Variants in GEN1 observed in about 807,000 individuals in gnomAD.
GEN1 encodes flap endonuclease GEN homolog 1.
In GEN1, 64 loss-of-function variants were observed where a neutral mutation model predicts 67.6. The observed-to-expected ratio is 0.95, with a 90% confidence interval of 0.77 to 1.17. The LOEUF is 1.17. Among genes scored for constraint, GEN1 ranks in the 50% most tolerant of loss-of-function variants. The pLI, the probability that GEN1 is intolerant of heterozygous loss-of-function variation, is 0.00. For synonymous variants in GEN1, 371 were observed against 359.4 expected (o/e 1.03, Z -0.37); for missense variants, 1,058 against 1,048.3 (o/e 1.01, Z -0.13).
In GEN1 at chr2:17,781,648, AGCTAAGTACACAACTC is replaced by A. The variant is rs1164308497; in HGVS notation, c.2437_2452del (p.Ala813LysfsTer3). On this transcript the variant is annotated frameshift_variant, in exon 14 of 14. Transcript: ENST00000381254. LOFTEE classifies it low-confidence loss of function (END_TRUNC). ...AACAAAGTGCCCCAGTGTTTGGGAA[AGCTAAGTACACAACTC>A]AAAGAATGAAGCACAGTTCTCAAAA... 1 of 1,613,934 alleles carries A rather than the reference AGCTAAGTACACAACTC, an allele frequency of 6.2e-7. No individual in the cohort carries two copies. The highest frequency in any genetic ancestry group is 1.3e-5 in the African/African-American group (1 of 74,928).
In GEN1 at chr2:17,778,280, A is replaced by ACACACATATGTGTGTACATATATG. The variant is rs1360468644; in HGVS notation, c.1264+217_1264+218insCACACATATGTGTGTACATATATG. 7.6e-5 allele frequency among the ~76,000 whole-genome samples: 9 copies of ACACACATATGTGTGTACATATATG among 118,128 alleles called. 4 individuals carry two copies. Among genetic ancestry groups the ACACACATATGTGTGTACATATATG allele is most frequent in the African/African-American group, 3.0e-4 (7 of 23,264 alleles). 77.5% of individuals were successfully genotyped at this position (118,128 alleles called of 152,430 possible). On this transcript the variant is annotated intron_variant, in intron 12 of 13. Coordinates refer to ENST00000381254, the MANE Select transcript of GEN1 (RefSeq NM_001130009.3). The stretch of plus-strand genomic sequence containing the variant: ...CACATATGTGTGTACATATATGTAT[A>ACACACATATGTGTGTACATATATG]TACACACACATGTGTGTGTACATAT...
chr2:17,784,167 G>A lies in GEN1; in HGVS notation c.*2228G>A, dbSNP rs1051309932. The A allele has an allele frequency of 6.6e-6, 1 of 151,812 alleles. No homozygotes were observed. The highest frequency in any genetic ancestry group is 2.4e-5 in the African/African-American group (1 of 41,320). 9.4% of individuals were successfully genotyped at this position (151,812 alleles called of 1,614,324 possible). The stretch of plus-strand genomic sequence containing the variant: ...TTATAAAAAGACAACTTTGAAATGG[G>A]CAAAATAGCTCAACAGGCTTTTCTG... On this transcript the variant is annotated 3_prime_UTR_variant, in exon 14 of 14. Coordinates refer to ENST00000381254, the MANE Select transcript of GEN1 (RefSeq NM_001130009.3).
In GEN1 at chr2:17,784,453, C is replaced by G. The variant is rs114538348; in HGVS notation, c.*2514C>G. Reference sequence around the variant, plus strand: ...GTTACGATATGATCCAGCAATTCCTCTCCCAGGTATATACCCAAGATAAAT... The same window carrying G: ...GTTACGATATGATCCAGCAATTCCTGTCCCAGGTATATACCCAAGATAAAT... On this transcript the variant is annotated 3_prime_UTR_variant, in exon 14 of 14. Transcript: ENST00000381254. 9.7e-4 allele frequency: 147 copies of G among 152,312 alleles called. No individual in the cohort carries two copies. The highest frequency in any genetic ancestry group is 3.5e-3 in the African/African-American group (145 of 41,578). 9.4% of individuals were successfully genotyped at this position (152,312 alleles called of 1,614,324 possible).
At chr2:17,769,960 C>T (rs1282835589) in intron 6 of GEN1, among the ~76,000 whole-genome samples, 1 of 152,074 alleles carries the variant, frequency 6.6e-6, no homozygotes, top group African/African-American at 2.4e-5. Context: ...ATAAAAAATA[C>T]ATCAAATCAC....
At chr2:17,776,726 G>A (rs1001952482) in intron 11 of GEN1, among the ~76,000 whole-genome samples, 5 of 152,122 alleles carry the variant, frequency 3.3e-5, no homozygotes, top group Admixed American at 2.0e-4. Flanking sequence ...TCAAAGTACC[G>A]AGTAAAAATA....
rs757900742 is a variant in GEN1 at position 17,781,318 on chromosome 2, T to G, written c.2106T>G (p.Ser702Arg). 8.1e-6 allele frequency: 13 copies of G among 1,613,616 alleles called. No homozygotes were observed. Among genetic ancestry groups the G allele is most frequent in the Non-Finnish European group, 1.1e-5 (13 of 1,179,690 alleles). ...DVNLKTLSIL[S>R]VKESCIANSG... ...ACCTGAAAACTTTGTCCATACTTAG[T>G]GTAAAAGAATCTTGTATTGCTAACA... The change falls in exon 14 of 14, where the codon AGT becomes AGG. Residue 702 changes from serine (S) to arginine (R), a missense_variant. Transcript: ENST00000381254.
At chr2:17,767,710 G>T (rs1193413428) in intron 5 of GEN1, among the ~76,000 whole-genome samples, 2 of 152,108 alleles carry the variant, frequency 1.3e-5, no homozygotes, top group Admixed American at 1.3e-4. Context: ...ACCAACTTTA[G>T]CTACAGTGGT....
At chr2:17,773,043 G>T in intron 8 of GEN1, 53 bp from the exon 9 acceptor site, 1 of 1,151,324 alleles carries the variant, frequency 8.7e-7, no homozygotes, top group South Asian at 1.3e-5. Flanking sequence ...GATGATTTCA[G>T]AGTCTAAAAT....
rs1045207907 is a variant in GEN1, at chr2:17,787,071, C to G, written c.*5132C>G. On this transcript the variant is annotated 3_prime_UTR_variant, in exon 14 of 14. Transcript: ENST00000381254. ...TTTGTTATTCCCTGCACGGATGTCT[C>G]TGCCTGAAATGCTTGCTGCTTCCTT... 5.3e-5 allele frequency: 8 copies of G among 152,194 alleles called. No homozygotes were observed. Among genetic ancestry groups the G allele is most frequent in the African/African-American group, 1.9e-4 (8 of 41,446 alleles). 9.4% of individuals were successfully genotyped at this position (152,194 alleles called of 1,614,324 possible). A position where few individuals can be genotyped will look rare whatever the true frequency, so the allele number is the denominator to read the frequency against.
rs772067759 is a variant in GEN1 at position 17,768,812 on chromosome 2, G to C, written c.710+1G>C. On this transcript the variant is annotated splice_donor_variant, in intron 6 of 13. Transcript: ENST00000381254. LOFTEE classifies it high-confidence loss of function. Reference sequence around the variant, plus strand: ...TGAAAGGGCAAAGTTTACTTCAGAGGTAACTAATAATTACTTTCTCTTGTG... The same window carrying C: ...TGAAAGGGCAAAGTTTACTTCAGAGCTAACTAATAATTACTTTCTCTTGTG... The C allele has an allele frequency of 6.4e-7, 1 of 1,566,700 alleles. No homozygotes were observed. The highest frequency in any genetic ancestry group is 8.8e-7 in the Non-Finnish European group (1 of 1,138,322).
chr2:17,766,806 T>C (rs1240312822), intron 5 of GEN1, 117 bp downstream of exon 5: 1 of 575,198 alleles, frequency 1.7e-6, no homozygotes, highest in Non-Finnish European at 3.0e-6. Flanking sequence ...TAAAATATAA[T>C]TTCAGGCATA....
intron 3 of GEN1, among the ~76,000 whole-genome samples, chr2:17,762,587 A>G (rs1671740497): frequency 6.6e-6 from 1 of 152,104 alleles, no homozygotes; most frequent in Admixed American, 6.6e-5. Context: ...TTTTCACTTA[A>G]TGCTTCATGT....
Position 17,781,331 on chromosome 2 carries a change from TGTATTGCTAACA to T in GEN1, c.2122_2133del (p.Ile708_Ser711del). 1 of 1,613,842 alleles carries T rather than the reference TGTATTGCTAACA, an allele frequency of 6.2e-7. No homozygotes were observed. Among genetic ancestry groups the T allele is most frequent in the Non-Finnish European group, 8.5e-7 (1 of 1,179,772 alleles). ...GTCCATACTTAGTGTAAAAGAATCT[TGTATTGCTAACA>T]GTGGTTCTGATTGTACATCACATCT... On this transcript the variant is annotated inframe_deletion, in exon 14 of 14. Transcript: ENST00000381254.
In GEN1 at chr2:17,780,729, A is replaced by C; in HGVS notation, c.1517A>C (p.Lys506Thr). 1 of 1,614,006 alleles carries C rather than the reference A, an allele frequency of 6.2e-7. No homozygotes were observed. Among genetic ancestry groups the C allele is most frequent in the South Asian group, 1.1e-5 (1 of 91,070 alleles). ...TCEIFHKQNS[K>T]LNSGISPDPT... ...GAAATCTTTCATAAGCAGAATTCCA[A>C]GTTAAATTCGGGGATTTCCCCTGAT... Residue 506 changes from lysine to threonine, a missense_variant, in exon 14 of 14, where the codon AAG (lysine) becomes ACG (threonine). By Grantham distance (78) the Lys-to-Thr change is moderately conservative. Transcript: ENST00000381254.
intron 3 of GEN1, among the ~76,000 whole-genome samples, chr2:17,762,063 G>C (rs187106549): frequency 6.6e-6 from 1 of 151,198 alleles, no homozygotes; most frequent in East Asian, 1.9e-4. Context: ...AAAAACTGTC[G>C]TTACATTATA....
chr2:17,776,115 C>CAAAAAAA (rs34705905), intron 11 of GEN1, among the ~76,000 whole-genome samples: 3 of 80,694 alleles, frequency 3.7e-5, no homozygotes, highest in Non-Finnish European at 2.5e-5. Context: ...GACCCTGTCT[C>CAAAAAAA]AAAAAAAAAA....
At chr2:17,753,319 G>A (rs1671164818), upstream of GEN1, among the ~76,000 whole-genome samples, 1 of 46,540 alleles carries the variant, frequency 2.1e-5, no homozygotes, top group Admixed American at 1.5e-4. Flanking sequence ...CAGCCCGGGA[G>A]AGTCTGGGGA....
At chr2:17,773,069 A>G (rs373320840) in intron 8 of GEN1, 27 bp from the exon 9 acceptor site, 59 of 1,453,644 alleles carry the variant, frequency 4.1e-5, no homozygotes, top group Non-Finnish European at 5.6e-5. Flanking sequence ...GATTATAGTA[A>G]TAACATGTAT....
chr2:17,786,428 TTG>T lies in GEN1; in HGVS notation c.*4492_*4493del, dbSNP rs1673062335. 6.6e-6 allele frequency: 1 copy of T among 152,200 alleles called. No individual in the cohort carries two copies. The highest frequency in any genetic ancestry group is 2.1e-4 in the South Asian group (1 of 4,830). The allele number at this position is 152,200 out of a possible 1,614,324, so 9.4% of individuals were successfully genotyped here. On this transcript the variant is annotated 3_prime_UTR_variant, in exon 14 of 14. Transcript: ENST00000381254. Reference sequence around the variant, plus strand: ...TGGCATTTGAGCTACTGGAAAAAAATTGTGCTTGCTTAAATATAATGTGGTAA... The same window carrying T: ...TGGCATTTGAGCTACTGGAAAAAAATTGCTTGCTTAAATATAATGTGGTAA...
Sources: gnomAD v4.1 joint callset for allele counts (sites outside exome capture counted in the v4.1 genomes callset) on GRCh38, gnomAD v4.1.1 for gene constraint, MANE v1.5 for transcripts, NCBI Gene and HGNC (gene_info 2026-07-23, HGNC 2026-07-21) for gene names.